Variants in THTPA observed in about 807,000 individuals in gnomAD.
THTPA encodes thiamine-triphosphatase.
In THTPA, 16 loss-of-function variants were observed where a neutral mutation model predicts 16.5. That is an observed-to-expected ratio of 0.97 (90% CI 0.66 to 1.47). The LOEUF is 1.47. Ranked by LOEUF, THTPA falls within the 40% of genes most tolerant of loss-of-function variation. THTPA has a pLI of 0.00. For missense variants in THTPA, 281 were observed against 280.9 expected (o/e 1.00, Z 0.00); for synonymous variants, 110 against 115.5 (o/e 0.95, Z 0.30).
the THTPA span, among the ~76,000 whole-genome samples, chr14:23,515,299 G>A: frequency 6.6e-6 from 1 of 152,162 alleles, no homozygotes; most frequent in Non-Finnish European, 1.5e-5. Context: ...AGATGAACTG[G>A]TTCTTTCTCC....
At chr14:23,522,416 G>C in the THTPA span, 2 of 1,536,354 alleles carry the variant, frequency 1.3e-6, no homozygotes, top group East Asian at 2.4e-5. Flanking sequence ...CCCTGGAGCA[G>C]GCAGTTCAGG....
chr14:23,521,840 A>G, the THTPA span: 1 of 1,459,124 alleles, frequency 6.9e-7, no homozygotes, highest in Admixed American at 2.4e-5. Context: ...GGAACTGAAC[A>G]GTTCCTGTGA....
At chr14:23,538,396 C>T in the THTPA span, among the ~76,000 whole-genome samples, 8 of 151,726 alleles carry the variant, frequency 5.3e-5, no homozygotes, top group African/African-American at 1.2e-4. Flanking sequence ...TTAGCTGCAG[C>T]GATTATTTTT....
At position 23,556,819 on chromosome 14, in the gene THTPA, G is replaced by T. The variant is rs1019293530; in HGVS notation, c.62G>T (p.Arg21Leu). Reference sequence around the variant, plus strand: ...CTTCCAGGGCCTGGCACAGAGGAGCGGCTGCAGGAGTTGGGGGGCACCCTG... The same window carrying T: ...CTTCCAGGGCCTGGCACAGAGGAGCTGCTGCAGGAGTTGGGGGGCACCCTG... ...KFLPGPGTEE[R>L]LQELGGTLEY... Residue 21 changes from arginine (R) to leucine (L), a missense_variant, in exon 1 of 2, where the codon CGG becomes CTG. Physicochemically the swap from Arg to Leu is moderately radical, Grantham distance 102. Transcript: ENST00000288014. The T allele has an allele frequency of 6.2e-7, 1 of 1,613,486 alleles. No homozygotes were observed. Among genetic ancestry groups the T allele is most frequent in the Non-Finnish European group, 8.5e-7 (1 of 1,179,752 alleles).
At chr14:23,526,450 T>C in the THTPA span, 1 of 1,536,260 alleles carries the variant, frequency 6.5e-7, no homozygotes, top group Non-Finnish European at 8.7e-7. Flanking sequence ...GAGAGTCAGC[T>C]GGAGCTGGCT....
rs538791182 is a variant in THTPA at position 23,558,918 on chromosome 14, C to T, written c.*78C>T. 3.2e-6 allele frequency: 5 copies of T among 1,556,144 alleles called. No individual in the cohort carries two copies. Among genetic ancestry groups the T allele is most frequent in the East Asian group, 2.3e-5 (1 of 44,034 alleles). ...CCTGGGCCCACTGTGCCTCTCCCCT[C>T]AGTGTCCCTTCTGACAGTGACTCCT... is the stretch of plus-strand genomic sequence containing the variant. On this transcript the variant is annotated 3_prime_UTR_variant, in exon 2 of 2. Transcript: ENST00000288014.
At chr14:23,548,474 G>C in the THTPA span, 17 of 152,324 alleles carry the variant, frequency 1.1e-4, 1 homozygote, top group African/African-American at 4.1e-4. Flanking sequence ...GGTAACACCA[G>C]CTGCCTCTGA....
At chr14:23,535,600 A>AT in the THTPA span, among the ~76,000 whole-genome samples, 689 of 151,296 alleles carry the variant, frequency 4.6e-3, 4 homozygotes, top group African/African-American at 0.016. The surrounding 1 kb of genome is among the most constrained non-coding windows in gnomAD (Gnocchi z 4.5). Flanking sequence ...TAATTAATTA[A>AT]TTTTTTTTTG....
At chr14:23,531,976 A>G in the THTPA span, 1 of 304,914 alleles carries the variant, frequency 3.3e-6, no homozygotes, top group Non-Finnish European at 5.6e-6. Flanking sequence ...GGGTTTCACC[A>G]TGTTGGCCAG....
chr14:23,535,937 C>T, the THTPA span, among the ~76,000 whole-genome samples: 2 of 152,186 alleles, frequency 1.3e-5, no homozygotes, highest in African/African-American at 4.8e-5. This position sits in a 1 kb window ranked among gnomAD's most constrained non-coding sequence, Gnocchi z 4.5. Flanking sequence ...CCCATCTTTC[C>T]TATCTCCAAA....
chr14:23,549,997 GA>G, the THTPA span, among the ~76,000 whole-genome samples: 1 of 152,008 alleles, frequency 6.6e-6, no homozygotes, highest in African/African-American at 2.4e-5. Context: ...GAAACAGATG[GA>G]AAAAAGGGGT....
At chr14:23,557,760 TTTC>T (rs60038184) in intron 1 of THTPA, among the ~76,000 whole-genome samples, 7 of 151,958 alleles carry the variant, frequency 4.6e-5, no homozygotes, top group East Asian at 1.9e-4. Context: ...ATCTCTTTTT[TTTC>T]TTCTTCTTCA....
the THTPA span, among the ~76,000 whole-genome samples, chr14:23,519,082 A>C: frequency 6.6e-6 from 1 of 152,132 alleles, no homozygotes; most frequent in South Asian, 2.1e-4. Flanking sequence ...GAGTCAGCTC[A>C]TATCTACTGT....
the THTPA span, among the ~76,000 whole-genome samples, chr14:23,541,746 C>T: frequency 1.3e-5 from 2 of 152,206 alleles, no homozygotes; most frequent in African/African-American, 2.4e-5. Context: ...CTATTCTGGC[C>T]TTTCCCTGCA....
chr14:23,541,216 C>A, the THTPA span, among the ~76,000 whole-genome samples: 2 of 151,520 alleles, frequency 1.3e-5, no homozygotes, highest in Non-Finnish European at 2.9e-5. Context: ...TCTGTTCACC[C>A]CTTTCTTGAC....
chr14:23,546,105 G>C, the THTPA span, among the ~76,000 whole-genome samples: 1 of 152,172 alleles, frequency 6.6e-6, no homozygotes. The surrounding 1 kb of genome is among the most constrained non-coding windows in gnomAD (Gnocchi z 4.7). Context: ...CACCCATTCT[G>C]CCCCACTGAC....
At chr14:23,524,534 T>TG in the THTPA span, 8 of 1,526,670 alleles carry the variant, frequency 5.2e-6, no homozygotes, top group African/African-American at 1.4e-5. The surrounding 1 kb of genome is among the most constrained non-coding windows in gnomAD (Gnocchi z 5.6). Flanking sequence ...ATCTAGGAGT[T>TG]GGGGGGGAGC....
chr14:23,522,921 G>A, the THTPA span: 13 of 1,448,696 alleles, frequency 9.0e-6, no homozygotes, highest in Non-Finnish European at 1.2e-5. Flanking sequence ...AGGCCGAGGA[G>A]GCCTGAGGAG....
upstream of THTPA, among the ~76,000 whole-genome samples, chr14:23,554,148 C>T (rs1882173882): frequency 6.6e-6 from 1 of 152,002 alleles, no homozygotes; most frequent in Non-Finnish European, 1.5e-5. Flanking sequence ...AGGTCTGGCT[C>T]CGGAAACTGG....
Sources: gnomAD v4.1 joint callset for allele counts (sites outside exome capture counted in the v4.1 genomes callset) on GRCh38, gnomAD v4.1.1 for gene constraint, Gnocchi (gnomAD v3.1) non-coding constraint, MANE v1.5 for transcripts, NCBI Gene and HGNC (gene_info 2026-07-23, HGNC 2026-07-21) for gene names.